The following ELP4 variants were observed in gnomAD, a reference collection of about 807,000 sequenced individuals.
The protein encoded by ELP4 is elongator acetyltransferase complex subunit 4.
A neutral mutation model predicts 48.9 loss-of-function variants in ELP4; 51 were observed. The observed-to-expected ratio is 1.04, with a 90% CI of 0.83 to 1.32. The LOEUF (loss-of-function observed/expected upper bound fraction) is 1.32, where lower values mean the gene tolerates loss of function less well. Among genes scored for constraint, ELP4 ranks in the 40% most tolerant of loss-of-function variants. ELP4 has a pLI of 0.00. For missense variants in ELP4, 519 were observed against 514.6 expected (o/e 1.01, Z -0.08); for synonymous variants, 210 against 189.2 (o/e 1.11, Z -0.90).
intron 6 of ELP4, 66 bp downstream of exon 6, chr11:31,627,260 G>C (rs546784984): frequency 2.4e-4 from 56 of 233,626 alleles, no homozygotes; most frequent in African/African-American, 3.8e-4. Context: ...TCTCTGGGGG[G>C]GGGGGCGGGA....
intron 9 of ELP4, among the ~76,000 whole-genome samples, chr11:31,746,055 A>G (rs1183604740): frequency 1.3e-5 from 2 of 152,140 alleles, no homozygotes; most frequent in East Asian, 3.8e-4. Flanking sequence ...GAAAAAAACA[A>G]CCTCATCAAA....
intron 9 of ELP4, among the ~76,000 whole-genome samples, chr11:31,745,745 A>C (rs1425698812): frequency 6.6e-6 from 1 of 152,182 alleles, no homozygotes; most frequent in African/African-American, 2.4e-5. Context: ...TTAATTCAAG[A>C]TGGATTAAAG....
In ELP4 at chr11:31,787,237, A is replaced by T. The variant is rs138881442; in HGVS notation, c.*3713A>T. On this transcript the variant is annotated 3_prime_UTR_variant, in exon 10 of 10. Transcript: ENST00000640961. ...TGCAGCTGAGCAGCCGCTTCTTCAG[A>T]CTATACCAGACTGTGCTACTTTGCC... 3.4e-3 allele frequency: 786 copies of T among 232,818 alleles called. 6 individuals are homozygous for T. Among genetic ancestry groups the T allele is most frequent in the South Asian group, 5.3e-3 (29 of 5,518 alleles). The allele number at this position is 232,818 out of a possible 1,614,324, so 14.4% of individuals were successfully genotyped here. A position where few individuals can be genotyped will look rare whatever the true frequency, so the allele number is the denominator to read the frequency against.
At chr11:31,755,880 C>A (rs767303832) in intron 9 of ELP4, among the ~76,000 whole-genome samples, 16 of 152,128 alleles carry the variant, frequency 1.1e-4, no homozygotes, top group Non-Finnish European at 2.1e-4. Flanking sequence ...TGCTTCACAT[C>A]CAATTTCTCA....
At chr11:31,663,946 A>G (rs1945616590) in intron 9 of ELP4, 2 of 152,226 alleles carry the variant, frequency 1.3e-5, no homozygotes, top group South Asian at 2.1e-4. Flanking sequence ...TTACCATTTG[A>G]AAATTATTTT....
intron 2 of ELP4, among the ~76,000 whole-genome samples, chr11:31,532,768 T>TG (rs1956416654): frequency 6.7e-6 from 1 of 148,550 alleles, no homozygotes. Context: ...TTTTTTTTGT[T>TG]GGTTTTTTTT....
At chr11:31,737,302 A>C (rs1372784223) in intron 9 of ELP4, among the ~76,000 whole-genome samples, 2 of 151,930 alleles carry the variant, frequency 1.3e-5, no homozygotes, top group Admixed American at 6.6e-5. Context: ...GGAACATCAC[A>C]CACTGGGGCC....
intron 9 of ELP4, among the ~76,000 whole-genome samples, chr11:31,684,216 TA>T (rs199894434): frequency 4.8e-5 from 7 of 146,732 alleles, no homozygotes; most frequent in South Asian, 2.2e-4. Flanking sequence ...AAGATAATCT[TA>T]AAAAAAAAAA....
intron 9 of ELP4, among the ~76,000 whole-genome samples, chr11:31,768,343 G>A (rs1054206470): frequency 3.3e-5 from 5 of 152,138 alleles, no homozygotes; most frequent in African/African-American, 1.2e-4. Context: ...GCCTAGGAGA[G>A]TGCACCTCTA....
intron 9 of ELP4, among the ~76,000 whole-genome samples, chr11:31,759,104 AC>A: frequency 6.6e-6 from 1 of 152,212 alleles, no homozygotes; most frequent in East Asian, 1.9e-4. Flanking sequence ...AAATGACTAC[AC>A]ATGCTGAGAA....
intron 4 of ELP4, chr11:31,599,908 T>A (rs1190941393): frequency 1.3e-5 from 2 of 152,164 alleles, no homozygotes; most frequent in African/African-American, 4.8e-5. Flanking sequence ...CAGATGAGAT[T>A]GGGCACATTC....
At chr11:31,587,679 A>C (rs144602654) in intron 3 of ELP4, among the ~76,000 whole-genome samples, 142 of 151,952 alleles carry the variant, frequency 9.3e-4, no homozygotes, top group African/African-American at 3.3e-3. Flanking sequence ...TTATTATGTA[A>C]TACTATTGTT....
chr11:31,719,029 T>C (rs867193487), intron 9 of ELP4, among the ~76,000 whole-genome samples: 35 of 152,038 alleles, frequency 2.3e-4, no homozygotes, highest in African/African-American at 8.5e-4. Flanking sequence ...GAGAGCAAGG[T>C]GGGAGGATCA....
intron 9 of ELP4, among the ~76,000 whole-genome samples, chr11:31,694,335 T>C (rs1946351528): frequency 6.6e-6 from 1 of 152,226 alleles, no homozygotes; most frequent in Non-Finnish European, 1.5e-5. Flanking sequence ...GAATTAATTT[T>C]TGTATAAGGT....
At chr11:31,623,390 T>TATATATAA (rs67986763) in intron 5 of ELP4, among the ~76,000 whole-genome samples, 19,772 of 92,302 alleles carry the variant, frequency 0.21, 2,786 homozygotes, top group South Asian at 0.35. Context: ...TATATATATA[T>TATATATAA]AAAACTAGAA....
chr11:31,618,684 A>C (rs979667868), intron 5 of ELP4, among the ~76,000 whole-genome samples: 2 of 152,114 alleles, frequency 1.3e-5, no homozygotes, highest in Non-Finnish European at 2.9e-5. Flanking sequence ...AATAATATGA[A>C]ATATAGAGAG....
chr11:31,660,586 TA>T (rs1293648560), intron 9 of ELP4, among the ~76,000 whole-genome samples: 2 of 152,080 alleles, frequency 1.3e-5, no homozygotes, highest in African/African-American at 4.8e-5. Context: ...AGAAAATGAT[TA>T]AAATACATAG....
chr11:31,760,567 G>T (rs1947924364), intron 9 of ELP4, among the ~76,000 whole-genome samples: 1 of 152,178 alleles, frequency 6.6e-6, no homozygotes, highest in Non-Finnish European at 1.5e-5. Context: ...TATTTCAAAA[G>T]ATCTTTTAAC....
intron 5 of ELP4, among the ~76,000 whole-genome samples, chr11:31,611,054 T>C (rs933730089): frequency 6.6e-6 from 1 of 152,210 alleles, no homozygotes; most frequent in Admixed American, 6.5e-5. Context: ...CCCACATTTC[T>C]TGCCACAGCT....
Sources: gnomAD v4.1 joint callset for allele counts (sites outside exome capture counted in the v4.1 genomes callset) on GRCh38, gnomAD v4.1.1 for gene constraint, MANE v1.5 for transcripts, NCBI Gene and HGNC (gene_info 2026-07-23, HGNC 2026-07-21) for gene names.